The following CHST9 variants were observed in gnomAD, a reference collection of about 807,000 sequenced individuals.
The protein encoded by CHST9 is carbohydrate sulfotransferase 9.
CHST9 carries 41 observed loss-of-function variants against 44.4 expected under a neutral mutation model. That is an observed-to-expected ratio of 0.92 (90% CI 0.72 to 1.20). The LOEUF (loss-of-function observed/expected upper bound fraction) is 1.20. Among genes scored for constraint, CHST9 ranks in the 50% most tolerant of loss-of-function variants. The pLI, the probability that CHST9 is intolerant of heterozygous loss-of-function variation, is 0.00. For synonymous variants in CHST9, 171 were observed against 178.4 expected, an observed-to-expected ratio of 0.96 and a Z score of 0.33; for missense variants, 504 against 516.5, an observed-to-expected ratio of 0.98 and a Z score of 0.23.
chr18:27,005,447 G>A (rs550435893), intron 4 of CHST9, among the ~76,000 whole-genome samples: 82 of 152,148 alleles, frequency 5.4e-4, no homozygotes, highest in African/African-American at 1.9e-3. Context: ...AATAGAGTGG[G>A]GATGATATTT....
intron 4 of CHST9, among the ~76,000 whole-genome samples, chr18:26,969,331 C>G (rs2056508255): frequency 6.6e-6 from 1 of 151,552 alleles, no homozygotes; most frequent in Non-Finnish European, 1.5e-5. Context: ...TATTTTAATA[C>G]TCTTTACTAG....
intron 4 of CHST9, among the ~76,000 whole-genome samples, chr18:26,970,941 A>G (rs1382647615): frequency 6.6e-6 from 1 of 152,166 alleles, no homozygotes; most frequent in Non-Finnish European, 1.5e-5. Context: ...CTTCTGGCAG[A>G]AATCTTTTCT....
chr18:27,036,066 T>C (rs2143512818), intron 3 of CHST9, among the ~76,000 whole-genome samples: 1 of 152,326 alleles, frequency 6.6e-6, no homozygotes, highest in African/African-American at 2.4e-5. Context: ...GCTATATATA[T>C]ATCTATATTC....
intron 2 of CHST9, among the ~76,000 whole-genome samples, chr18:27,128,699 T>C (rs763321020): frequency 1.2e-4 from 19 of 152,370 alleles, no homozygotes; most frequent in Non-Finnish European, 1.9e-4. Context: ...AATGTGATAA[T>C]CATTGGTTAA....
intron 2 of CHST9, among the ~76,000 whole-genome samples, chr18:27,055,787 G>T (rs1361081285): frequency 6.6e-6 from 1 of 152,122 alleles, no homozygotes; most frequent in African/African-American, 2.4e-5. Flanking sequence ...ACAGGAAATA[G>T]CATGATATAA....
At chr18:26,966,621 T>C (rs561493231) in intron 4 of CHST9, among the ~76,000 whole-genome samples, 21 of 152,304 alleles carry the variant, frequency 1.4e-4, no homozygotes, top group Admixed American at 1.4e-3. Context: ...ACCTGTGACA[T>C]AGCTGTTTAG....
At chr18:27,159,686 A>C (rs144581652) in intron 1 of CHST9, among the ~76,000 whole-genome samples, 2,024 of 152,308 alleles carry the variant, frequency 0.013, 24 homozygotes, top group Non-Finnish European at 0.021. Flanking sequence ...TTGAATCTAT[A>C]AATTACCTTG....
At chr18:26,977,477 A>G (rs1371353480) in intron 4 of CHST9, among the ~76,000 whole-genome samples, 2 of 152,096 alleles carry the variant, frequency 1.3e-5, no homozygotes, top group African/African-American at 4.8e-5. Context: ...ATTTAAAGAT[A>G]CCTTTCATAC....
intron 2 of CHST9, among the ~76,000 whole-genome samples, chr18:27,131,691 TC>T (rs2058473120): frequency 6.6e-6 from 1 of 152,106 alleles, no homozygotes; most frequent in South Asian, 2.1e-4. Flanking sequence ...AAAATCGAGA[TC>T]ATAAGTCTGA....
chr18:26,964,598 GCTT>G (rs1404213286), intron 4 of CHST9, among the ~76,000 whole-genome samples: 1 of 152,220 alleles, frequency 6.6e-6, no homozygotes, highest in African/African-American at 2.4e-5. Flanking sequence ...TTGCCCCCTG[GCTT>G]CTGGGTCTAC....
chr18:27,038,536 T>TA (rs2057413186), intron 3 of CHST9, among the ~76,000 whole-genome samples: 1 of 151,654 alleles, frequency 6.6e-6, no homozygotes, highest in Non-Finnish European at 1.5e-5. Context: ...AGACTCAGTT[T>TA]CAAAAAAAAA....
intron 1 of CHST9, among the ~76,000 whole-genome samples, chr18:27,150,995 T>C (rs2058655028): frequency 6.6e-6 from 1 of 152,154 alleles, no homozygotes; most frequent in African/African-American, 2.4e-5. Context: ...TGGTATGTAG[T>C]TTAATGATAT....
intron 2 of CHST9, among the ~76,000 whole-genome samples, chr18:27,062,631 G>T (rs140581487): frequency 6.6e-6 from 1 of 152,120 alleles, no homozygotes; most frequent in African/African-American, 2.4e-5. Flanking sequence ...ACGTATGCAT[G>T]TGTCTTTATA....
chr18:26,969,534 C>T (rs1021454165), intron 4 of CHST9, among the ~76,000 whole-genome samples: 7 of 152,036 alleles, frequency 4.6e-5, no homozygotes, highest in Non-Finnish European at 8.8e-5. Context: ...TCTTGAAAAC[C>T]GACCGGGCTA....
chr18:27,114,459 C>G (rs1051362117), intron 2 of CHST9, among the ~76,000 whole-genome samples: 2 of 152,146 alleles, frequency 1.3e-5, no homozygotes, highest in Non-Finnish European at 2.9e-5. Context: ...AACAGCTATA[C>G]TGAGGTATAA....
intron 4 of CHST9, among the ~76,000 whole-genome samples, chr18:27,003,815 T>C (rs2056981598): frequency 6.6e-6 from 1 of 152,144 alleles, no homozygotes; most frequent in African/African-American, 2.4e-5. Flanking sequence ...TAGTCTTGTA[T>C]ATACACCATG....
chr18:27,159,584 C>A (rs548797189), intron 1 of CHST9, among the ~76,000 whole-genome samples: 1 of 152,226 alleles, frequency 6.6e-6, no homozygotes, highest in East Asian at 1.9e-4. Flanking sequence ...ATTGACTTGG[C>A]AATGCAGGCT....
intron 3 of CHST9, among the ~76,000 whole-genome samples, chr18:27,029,224 C>A (rs973686856): frequency 3.3e-5 from 5 of 152,136 alleles, no homozygotes; most frequent in South Asian, 4.1e-4. Context: ...ACAATTCTTG[C>A]AAAAGAAGAG....
At chr18:26,967,981 T>C (rs1200511013) in intron 4 of CHST9, among the ~76,000 whole-genome samples, 1 of 152,336 alleles carries the variant, frequency 6.6e-6, no homozygotes, top group East Asian at 1.9e-4. Context: ...TGGACTTACA[T>C]CAGTGATTTG....
Sources: gnomAD v4.1 joint callset for allele counts (sites outside exome capture counted in the v4.1 genomes callset) on GRCh38, gnomAD v4.1.1 for gene constraint, MANE v1.5 for transcripts, NCBI Gene and HGNC (gene_info 2026-07-23, HGNC 2026-07-21) for gene names.